HTR4: variants seen among roughly 807,000 people sequenced by gnomAD.
HTR4 encodes 5-hydroxytryptamine receptor 4.
A neutral mutation model predicts 36.8 loss-of-function variants in HTR4; 16 were observed. The observed-to-expected ratio is 0.43, with a 90% confidence interval of 0.29 to 0.66. HTR4 has a LOEUF of 0.66. Ranked by LOEUF, HTR4 falls within the 30% of genes least tolerant of loss-of-function variation. The pLI, the probability that HTR4 is intolerant of heterozygous loss-of-function variation, is 0.13. For missense variants in HTR4, 438 were observed against 490.9 expected, an observed-to-expected ratio of 0.89 and a Z score of 1.02; for synonymous variants, 189 against 185.1, an observed-to-expected ratio of 1.02 and a Z score of -0.17.
chr5:148,503,304 C>T (rs1757024831), intron 6 of HTR4, among the ~76,000 whole-genome samples: 1 of 152,224 alleles, frequency 6.6e-6, no homozygotes, highest in Non-Finnish European at 1.5e-5. Flanking sequence ...TCCGCAGAAA[C>T]TCTACAAGCC....
At chr5:148,607,907 C>A (rs970073338) in intron 2 of HTR4, among the ~76,000 whole-genome samples, 5 of 152,090 alleles carry the variant, frequency 3.3e-5, no homozygotes, top group Admixed American at 6.5e-5. Context: ...TTTATTTATA[C>A]TTTCAAATTT....
chr5:148,476,441 A>G (rs559472759), downstream of HTR4, among the ~76,000 whole-genome samples: 2 of 152,350 alleles, frequency 1.3e-5, no homozygotes, highest in African/African-American at 4.8e-5. Context: ...GCCACTTGAA[A>G]GAGGTGTGAT....
chr5:148,530,679 C>T (rs547010080), intron 4 of HTR4, among the ~76,000 whole-genome samples: 112 of 152,248 alleles, frequency 7.4e-4, no homozygotes, highest in African/African-American at 2.5e-3. Context: ...AGTAGAGCTG[C>T]GAGAAGAGGG....
At chr5:148,612,119 C>T (rs375901011) in intron 2 of HTR4, among the ~76,000 whole-genome samples, 255 of 152,230 alleles carry the variant, frequency 1.7e-3, no homozygotes, top group Non-Finnish European at 2.4e-3. Context: ...GACAGATCAA[C>T]GAGACAGAAA....
Position 148,654,103 on chromosome 5 carries a change from G to T in HTR4, c.-89C>A. On this transcript the variant is annotated 5_prime_UTR_variant, in exon 1 of 7. Coordinates refer to ENST00000377888, the MANE Select transcript of HTR4 (RefSeq NM_000870.7). The stretch of plus-strand genomic sequence containing the variant: ...GGGAGCGAGGTGCCCTGGCAGATTC[G>T]AGCGGCCACCCCCAGCCGCTGAGCC... 3 of 985,388 alleles carry T rather than the reference G, an allele frequency of 3.0e-6. No individual in the cohort carries two copies. The South Asian group carries it at 1.4e-4, about 46-fold the overall frequency. The allele number at this position is 985,388 out of a possible 1,614,324, so 61.0% of individuals were successfully genotyped here. A position where few individuals can be genotyped will look rare whatever the true frequency, so the allele number is the denominator to read the frequency against.
intron 5 of HTR4, among the ~76,000 whole-genome samples, chr5:148,457,000 C>T (rs530492683): frequency 1.3e-5 from 2 of 152,292 alleles, no homozygotes; most frequent in African/African-American, 2.4e-5. Context: ...GATCACAGAG[C>T]TAAGGAAACC....
chr5:148,470,953 T>C (rs1331539729), intron 5 of HTR4, among the ~76,000 whole-genome samples: 2 of 152,110 alleles, frequency 1.3e-5, no homozygotes, highest in Admixed American at 6.5e-5. Context: ...CATCCCAAAG[T>C]GCTGGGATTA....
At chr5:148,463,375 T>C (rs1325975845) in intron 5 of HTR4, among the ~76,000 whole-genome samples, 1 of 151,050 alleles carries the variant, frequency 6.6e-6, no homozygotes, top group South Asian at 2.1e-4. Flanking sequence ...AGAGATGGGG[T>C]TTCACCACGT....
At chr5:148,619,803 A>G (rs954759796) in intron 2 of HTR4, among the ~76,000 whole-genome samples, 3 of 152,224 alleles carry the variant, frequency 2.0e-5, no homozygotes, top group African/African-American at 7.2e-5. Context: ...AATGAGCTGT[A>G]ACTTGACAGA....
At chr5:148,594,225 A>G (rs1761681249) in intron 2 of HTR4, among the ~76,000 whole-genome samples, 1 of 152,144 alleles carries the variant, frequency 6.6e-6, no homozygotes, top group Non-Finnish European at 1.5e-5. Context: ...AGACAGGTAA[A>G]TGCTTGTCTT....
intron 5 of HTR4, among the ~76,000 whole-genome samples, chr5:148,458,500 T>G (rs1420605390): frequency 6.6e-6 from 1 of 151,938 alleles, no homozygotes; most frequent in Non-Finnish European, 1.5e-5. Flanking sequence ...ACAAGTAGTG[T>G]CAGGAGTGAG....
Position 148,461,133 on chromosome 5 carries a change from T to A in HTR4, c.1077-9861A>T, listed in dbSNP as rs372953524. On this transcript the variant is annotated intron_variant, in intron 5 of 5. Transcript: ENST00000521530. Reference sequence around the variant, plus strand: ...AGTAAAAATAGAAGTTAAACTGATATGATAGAAAAGATAGAAAATAGAATA... The same window carrying A: ...AGTAAAAATAGAAGTTAAACTGATAAGATAGAAAAGATAGAAAATAGAATA... 4.6e-5 allele frequency among the ~76,000 whole-genome samples: 7 copies of A among 152,030 alleles called. No individual in the cohort carries two copies. The East Asian group carries it at 1.2e-3, about 25-fold the overall frequency.
chr5:148,480,890 G>A (rs1205846564), downstream of HTR4, among the ~76,000 whole-genome samples: 1 of 152,132 alleles, frequency 6.6e-6, no homozygotes, highest in Non-Finnish European at 1.5e-5. Context: ...ATGTGGAATG[G>A]CATTTTATGA....
rs1273670041 is a variant in HTR4, at chr5:148,562,215, A to G, written c.27-11953T>C. ...TTACACTACAAAAGTAGAGCTGAGT[A>G]ATTACGAGAGAGATTTCATGGCCCG... is the stretch of plus-strand genomic sequence containing the variant. On this transcript the variant is annotated intron_variant, in intron 2 of 6. Coordinates refer to ENST00000377888, the MANE Select transcript of HTR4 (RefSeq NM_000870.7). Among the ~76,000 whole-genome samples, 4 of 152,324 alleles carry G rather than the reference A, an allele frequency of 2.6e-5. No homozygotes were observed. The East Asian group carries it at 5.8e-4, about 22-fold the overall frequency.
intron 1 of HTR4, among the ~76,000 whole-genome samples, chr5:148,644,421 A>ATTT (rs1753815914): frequency 3.5e-5 from 3 of 85,852 alleles, no homozygotes; most frequent in Admixed American, 1.4e-4. Flanking sequence ...CAAGCTCACA[A>ATTT]GTTTTTTTTT....
chr5:148,636,939 G>A (rs878904232), intron 2 of HTR4, 50 bp downstream of exon 2: 1 of 1,185,430 alleles, frequency 8.4e-7, no homozygotes, highest in Non-Finnish European at 1.3e-6. Context: ...AGTCTTCATA[G>A]CAGAAATGTT....
intron 6 of HTR4, among the ~76,000 whole-genome samples, chr5:148,489,403 T>C (rs1002995366): frequency 2.6e-5 from 4 of 152,216 alleles, no homozygotes; most frequent in African/African-American, 9.6e-5. Context: ...TCTCAACCCC[T>C]AAACAGTGCT....
chr5:148,654,058 A>T lies in HTR4; in HGVS notation c.-48+4T>A. 1.0e-6 allele frequency: 1 copy of T among 984,964 alleles called. No homozygotes were observed. The highest frequency in any genetic ancestry group is 1.2e-6 in the Non-Finnish European group (1 of 829,812). The allele number at this position is 984,964 out of a possible 1,614,324, so 61.0% of individuals were successfully genotyped here. ...CCGACCCCCGGCGCACTTGCCGCAC[A>T]TACCCGCTGCCAGAGGCGAGGGAGC... On this transcript the variant is annotated splice_donor_region_variant and intron_variant, in intron 1 of 6. Transcript: ENST00000377888.
At chr5:148,455,520 G>A (rs540767615) in intron 5 of HTR4, among the ~76,000 whole-genome samples, 5 of 152,126 alleles carry the variant, frequency 3.3e-5, no homozygotes, top group Admixed American at 1.3e-4. Flanking sequence ...AAGAAGTGTG[G>A]GAATGGAGTG....
Sources: allele counts gnomAD v4.1 joint callset (sites outside exome capture counted in the v4.1 genomes callset), GRCh38; gene constraint gnomAD v4.1.1; transcripts MANE v1.5; gene names NCBI Gene and HGNC (gene_info 2026-07-23, HGNC 2026-07-21).